The following EDRF1 variants were observed in gnomAD, a reference collection of about 807,000 sequenced individuals.
EDRF1 encodes the protein erythroid differentiation-related factor 1.
A neutral mutation model predicts 148.7 loss-of-function variants in EDRF1; 69 were observed. The observed-to-expected ratio is 0.46, with a 90% CI of 0.38 to 0.57. The LOEUF (loss-of-function observed/expected upper bound fraction) is 0.57. Among genes scored for constraint, EDRF1 ranks in the 20% least tolerant of loss-of-function variants. The pLI, the probability that EDRF1 is intolerant of heterozygous loss-of-function variation, is 0.00. For synonymous variants in EDRF1, 515 were observed against 532.8 expected (o/e 0.97, Z 0.46); for missense variants, 1,118 against 1,478.7 (o/e 0.76, Z 4.00).
At position 125,747,885 on chromosome 10, in the gene EDRF1, C is replaced by T. The variant is rs1339299355; in HGVS notation, c.2996C>T (p.Ala999Val). ...QEQIEKEVSE[A>V]MMKSLKYCDV... ...CAGATTGAGAAAGAAGTCAGTGAGG[C>T]CATGATGAAGTCCCTAAAATACTGC... is the stretch of plus-strand genomic sequence containing the variant. Residue 999 changes from alanine (A) to valine (V), a missense_variant, in exon 21 of 25, where the codon GCC becomes GTC. This residue lies in a region of EDRF1 where 954 missense variants were observed against 1,241.4 expected (regional missense o/e 0.77). Transcript: ENST00000356792. 1 of 1,614,172 alleles carries T rather than the reference C, an allele frequency of 6.2e-7. No individual in the cohort carries two copies. Among genetic ancestry groups the T allele is most frequent in the Non-Finnish European group, 8.5e-7 (1 of 1,180,022 alleles).
In EDRF1 at chr10:125,738,373, AAAT is replaced by A; in HGVS notation, c.1911_1913del (p.Lys637_Tyr638delinsAsn). 6.2e-7 allele frequency: 1 copy of A among 1,614,130 alleles called. No individual in the cohort carries two copies. The highest frequency in any genetic ancestry group is 8.5e-7 in the Non-Finnish European group (1 of 1,179,994). ...TGACCCCAGCACTCCAATCCCGTTA[AAAT>A]ATGAAGATGAATCCTCAAGAGGGGG... is the stretch of plus-strand genomic sequence containing the variant. On this transcript the variant is annotated inframe_deletion, in exon 15 of 25. Transcript: ENST00000356792.
intron 15 of EDRF1, 127 bp from the exon 16 acceptor site, chr10:125,740,336 C>A: frequency 1.0e-6 from 1 of 973,800 alleles, no homozygotes; most frequent in Non-Finnish European, 1.6e-6. Context: ...AGCAGTAAAG[C>A]ATAGTATTTA....
At chr10:125,759,713 A>G (rs1231744910) in intron 24 of EDRF1, among the ~76,000 whole-genome samples, 2 of 151,482 alleles carry the variant, frequency 1.3e-5, no homozygotes, top group Non-Finnish European at 2.9e-5. Flanking sequence ...TTTTATTTTT[A>G]TTTATTTTTT....
chr10:125,732,721 C>G (rs930372165), intron 9 of EDRF1, among the ~76,000 whole-genome samples: 12 of 152,130 alleles, frequency 7.9e-5, no homozygotes, highest in African/African-American at 2.9e-4. Flanking sequence ...GTCTTACATT[C>G]CAGTTGATTT....
At chr10:125,742,676 GTGACTTAAAGTT>G in intron 17 of EDRF1, 2 of 985,006 alleles carry the variant, frequency 2.0e-6, no homozygotes, top group Non-Finnish European at 2.4e-6. Flanking sequence ...AGCCTCTTCA[GTGACTTAAAGTT>G]AATATTGGGA....
intron 17 of EDRF1, chr10:125,742,292 G>GT: frequency 4.7e-6 from 6 of 1,287,380 alleles, no homozygotes; most frequent in Non-Finnish European, 6.1e-6. Context: ...AGCACAGTGT[G>GT]TAACCACGCT....
chr10:125,733,261 A>G (rs1848558716), intron 9 of EDRF1, 143 bp from the exon 10 acceptor site: 3 of 630,546 alleles, frequency 4.8e-6, no homozygotes, highest in East Asian at 6.1e-5. Context: ...CAGAAAAAAG[A>G]TTAAAAACCA....
Position 125,741,182 on chromosome 10 carries a change from C to G in EDRF1, c.2352C>G (p.His784Gln). ...ACCAGGAGATCCTGCATAGCCTTCA[C>G]AGAGAGTCCAGTTGCCAAGGTGTGC... ...KEDQEILHSL[H>Q]RESSCQGFAW... The change falls in exon 17 of 25, where the codon CAC becomes CAG. Residue 784 changes from histidine (H) to glutamine (Q), a missense_variant. By Grantham distance (24) the His-to-Gln change is conservative. Around this residue, in one of 3 missense-constraint regions of EDRF1, gnomAD observed 954 missense variants for 1,241.4 expected, o/e 0.77. Transcript: ENST00000356792. 1 of 1,614,198 alleles carries G rather than the reference C, an allele frequency of 6.2e-7. No homozygotes were observed. Among genetic ancestry groups the G allele is most frequent in the Non-Finnish European group, 8.5e-7 (1 of 1,180,036 alleles).
intron 3 of EDRF1, among the ~76,000 whole-genome samples, 162 bp from the exon 4 acceptor site, chr10:125,723,649 C>T (rs1332034236): frequency 6.6e-6 from 1 of 152,144 alleles, no homozygotes; most frequent in African/African-American, 2.4e-5. Context: ...AAAGCTCCGT[C>T]CTCTGTGTGT....
At chr10:125,728,853 T>G in intron 6 of EDRF1, 150 bp from the exon 7 acceptor site, 1 of 606,042 alleles carries the variant, frequency 1.7e-6, no homozygotes, top group Non-Finnish European at 2.8e-6. Flanking sequence ...AGCCACCCAA[T>G]GAGGCGTGTT....
intron 11 of EDRF1, 41 bp downstream of exon 11, chr10:125,733,784 A>G (rs1343730125): frequency 6.4e-7 from 1 of 1,551,198 alleles, no homozygotes; most frequent in East Asian, 2.2e-5. Context: ...GTAGCCTATT[A>G]TATAAAGTTT....
At position 125,721,529 on chromosome 10, in the gene EDRF1, A is replaced by G. The variant is rs1848003402; in HGVS notation, c.317+117A>G. Reference sequence around the variant, plus strand: ...CTTGTCGAGATTTCTCTTTAGAGAAAGATCACATTTGATTTTCAAAGGCTT... The same window carrying G: ...CTTGTCGAGATTTCTCTTTAGAGAAGGATCACATTTGATTTTCAAAGGCTT... On this transcript the variant is annotated intron_variant, in intron 2 of 24. Coordinates refer to ENST00000356792, the MANE Select transcript of EDRF1 (RefSeq NM_001202438.2). 3.0e-6 allele frequency: 3 copies of G among 993,612 alleles called. No homozygotes were observed. The South Asian group carries it at 4.1e-5, about 14-fold the overall frequency. The allele number at this position is 993,612 out of a possible 1,614,324, so 61.5% of individuals were successfully genotyped here.
At chr10:125,726,699 TAGAG>T (rs1848269597) in intron 6 of EDRF1, among the ~76,000 whole-genome samples, 1 of 152,194 alleles carries the variant, frequency 6.6e-6, no homozygotes, top group South Asian at 2.1e-4. Context: ...AGGTTTAAGA[TAGAG>T]AAAGCATCCC....
chr10:125,758,432 A>G (rs1213086402), intron 24 of EDRF1, among the ~76,000 whole-genome samples: 1 of 152,090 alleles, frequency 6.6e-6, no homozygotes, highest in Non-Finnish European at 1.5e-5. Flanking sequence ...CTTATGTATG[A>G]TAGTAGAGAC....
intron 22 of EDRF1, among the ~76,000 whole-genome samples, chr10:125,751,404 G>GTTTTTTTTTTTTTTTTTTTT (rs60964364): frequency 1.4e-5 from 2 of 140,698 alleles, no homozygotes; most frequent in African/African-American, 2.7e-5. Context: ...TTTACCCAGT[G>GTTTTTTTTTTTTTTTTTTTT]TTTTTTTTTT....
At position 125,738,385 on chromosome 10, in the gene EDRF1, G is replaced by C; in HGVS notation, c.1921G>C (p.Glu641Gln). Residue 641 changes from glutamate to glutamine, a missense_variant, in exon 15 of 25, where the codon GAA (glutamate) becomes CAA (glutamine). Coordinates refer to ENST00000356792, the MANE Select transcript of EDRF1 (RefSeq NM_001202438.2). The stretch of plus-strand genomic sequence containing the variant: ...TCCAATCCCGTTAAAATATGAAGAT[G>C]AATCCTCAAGAGGGGGTCCCGAGGG... Reference protein sequence around the residue: ...STPIPLKYEDESSRGGPEGLE... With the variant: ...STPIPLKYEDQSSRGGPEGLE... 2 of 1,614,086 alleles carry C rather than the reference G, an allele frequency of 1.2e-6. No individual in the cohort carries two copies. The highest frequency in any genetic ancestry group is 1.7e-6 in the Non-Finnish European group (2 of 1,179,996).
chr10:125,727,162 G>A (rs1406332636), intron 6 of EDRF1, among the ~76,000 whole-genome samples: 1 of 152,114 alleles, frequency 6.6e-6, no homozygotes, highest in Non-Finnish European at 1.5e-5. Context: ...AGATCTTTCT[G>A]CCTGCAGAGG....
intron 24 of EDRF1, chr10:125,756,865 T>G (rs1564754611): frequency 4.7e-6 from 2 of 421,210 alleles, no homozygotes; most frequent in Non-Finnish European, 4.6e-6. Flanking sequence ...CAGGCTGGAG[T>G]GCAGTGGCAT....
intron 15 of EDRF1, among the ~76,000 whole-genome samples, chr10:125,739,614 A>G (rs1416582292): frequency 7.9e-5 from 12 of 152,212 alleles, no homozygotes; most frequent in South Asian, 2.1e-4. Flanking sequence ...AAAAAAATCC[A>G]TACACACATT....
Sources: allele counts gnomAD v4.1 joint callset (sites outside exome capture counted in the v4.1 genomes callset), GRCh38; gene constraint gnomAD v4.1.1; regional missense constraint gnomAD v4.1.1; transcripts MANE v1.5; gene names NCBI Gene and HGNC (gene_info 2026-07-23, HGNC 2026-07-21).